IL1RAPL2: variants seen among roughly 807,000 people sequenced by gnomAD.
IL1RAPL2 encodes interleukin 1 receptor accessory protein like 2.
A neutral mutation model predicts 44.1 loss-of-function variants in IL1RAPL2; 3 were observed. That is an observed-to-expected ratio of 0.07 (90% CI 0.03 to 0.18). The LOEUF is 0.18. IL1RAPL2 is among the 10% of genes least tolerant of loss of function. IL1RAPL2 has a pLI of 1.00. For missense variants in IL1RAPL2, 391 were observed against 496.4 expected (o/e 0.79, Z 2.02); for synonymous variants, 181 against 178.8 (o/e 1.01, Z -0.10).
intron 10 of IL1RAPL2, among the ~76,000 whole-genome samples, chrX:105,756,720 C>G (rs2038642493): frequency 1.8e-5 from 2 of 111,217 alleles, no homozygotes; most frequent in Non-Finnish European, 3.8e-5. Flanking sequence ...CCATACTATC[C>G]TATATTTATT....
intron 2 of IL1RAPL2, among the ~76,000 whole-genome samples, chrX:105,110,156 C>A (rs1036723546): frequency 8.9e-6 from 1 of 112,255 alleles, no homozygotes; most frequent in African/African-American, 3.2e-5. Context: ...GCCAAGTCAG[C>A]TTCCTTAAGA....
intron 2 of IL1RAPL2, among the ~76,000 whole-genome samples, chrX:104,848,972 T>A (rs2147640602): frequency 9.0e-6 from 1 of 111,395 alleles, no homozygotes; most frequent in Non-Finnish European, 1.9e-5. Flanking sequence ...ATGAAAAGTT[T>A]ATTTATAAAT....
intron 2 of IL1RAPL2, among the ~76,000 whole-genome samples, chrX:104,900,322 A>G (rs960177996): frequency 2.7e-5 from 3 of 111,398 alleles, no homozygotes; most frequent in African/African-American, 9.8e-5. Context: ...TACCTGGCAT[A>G]CGGGATCAGA....
At chrX:104,895,674 GCTGT>G (rs1923621316) in intron 2 of IL1RAPL2, among the ~76,000 whole-genome samples, 1 of 111,941 alleles carries the variant, frequency 8.9e-6, no homozygotes, top group Non-Finnish European at 1.9e-5. Context: ...TTTTCCAGGT[GCTGT>G]CTGTCACCGC....
intron 2 of IL1RAPL2, among the ~76,000 whole-genome samples, chrX:104,956,055 A>G (rs193229429): frequency 6.4e-4 from 72 of 112,043 alleles, no homozygotes; most frequent in African/African-American, 2.3e-3. Context: ...TCTGTAGAAA[A>G]CATGGTAAAC....
At chrX:105,507,970 C>T (rs894257254) in intron 6 of IL1RAPL2, among the ~76,000 whole-genome samples, 5 of 110,995 alleles carry the variant, frequency 4.5e-5, no homozygotes, top group Non-Finnish European at 7.6e-5. Context: ...ACAGCTTTAG[C>T]GAAGGAGAAA....
chrX:105,418,301 T>C (rs1269699058), intron 5 of IL1RAPL2, among the ~76,000 whole-genome samples: 1 of 111,157 alleles, frequency 9.0e-6, no homozygotes, highest in African/African-American at 3.3e-5. Context: ...AAAACTGATA[T>C]ATGATTGTTA....
chrX:104,589,795 G>A lies in IL1RAPL2; in HGVS notation c.-20+22744G>A, dbSNP rs868188519. Among the ~76,000 whole-genome samples, 12 of 111,050 alleles carry A rather than the reference G, an allele frequency of 1.1e-4. No homozygotes were observed. The South Asian group carries it at 3.1e-3, about 28-fold the overall frequency. ...TGTCAGCACTTTGTTTTGAGAAAGC[G>A]AACCACATGTTTGCCTTAGTAAGAC... is the stretch of plus-strand genomic sequence containing the variant. On this transcript the variant is annotated intron_variant, in intron 1 of 10. Transcript: ENST00000372582.
At chrX:104,806,023 T>G (rs753534205) in intron 2 of IL1RAPL2, among the ~76,000 whole-genome samples, 9 of 112,047 alleles carry the variant, frequency 8.0e-5, no homozygotes, top group Non-Finnish European at 1.5e-4. Context: ...GGCCCAACTC[T>G]GCAGAGATTC....
chrX:104,845,078 T>C (rs1369860094), intron 2 of IL1RAPL2, among the ~76,000 whole-genome samples: 1 of 112,129 alleles, frequency 8.9e-6, no homozygotes, highest in East Asian at 2.8e-4. Context: ...CTACTGTTGC[T>C]TTGGGAGCAC....
At chrX:104,623,695 G>C (rs1220265063) in intron 1 of IL1RAPL2, among the ~76,000 whole-genome samples, 2 of 110,950 alleles carry the variant, frequency 1.8e-5, no homozygotes, top group Non-Finnish European at 3.8e-5. Context: ...GGCCTCCCCA[G>C]GTTTTGGGGG....
intron 5 of IL1RAPL2, among the ~76,000 whole-genome samples, chrX:105,481,333 G>C (rs940738842): frequency 8.9e-6 from 1 of 112,299 alleles, no homozygotes; most frequent in Non-Finnish European, 1.9e-5. Context: ...TACCTTACAA[G>C]GTCATCATGA....
intron 2 of IL1RAPL2, among the ~76,000 whole-genome samples, chrX:104,892,164 A>T (rs1477808848): frequency 9.0e-6 from 1 of 110,722 alleles, no homozygotes; most frequent in Non-Finnish European, 1.9e-5. Flanking sequence ...CATGGTGGAT[A>T]AGCTTTTTGA....
At chrX:105,223,180 C>T (rs1490875720) in intron 3 of IL1RAPL2, among the ~76,000 whole-genome samples, 2 of 110,216 alleles carry the variant, frequency 1.8e-5, no homozygotes, top group Non-Finnish European at 3.8e-5. Context: ...TGTTGGGCAT[C>T]CTGGTGGAGA....
At chrX:104,878,310 A>G (rs1023279899) in intron 2 of IL1RAPL2, among the ~76,000 whole-genome samples, 2 of 112,068 alleles carry the variant, frequency 1.8e-5, no homozygotes, top group Non-Finnish European at 3.8e-5. Context: ...TAAAATAATA[A>G]TAACAATGAT....
chrX:105,434,872 T>C (rs751003411), intron 5 of IL1RAPL2, among the ~76,000 whole-genome samples: 2 of 112,199 alleles, frequency 1.8e-5, no homozygotes, highest in African/African-American at 6.5e-5. Context: ...TTAATCCATC[T>C]TGAGTTAATT....
chrX:105,579,115 G>A (rs1184191419), intron 6 of IL1RAPL2, among the ~76,000 whole-genome samples: 2 of 111,430 alleles, frequency 1.8e-5, no homozygotes, highest in African/African-American at 6.5e-5. Context: ...CTTGACCTTT[G>A]GGAATATCAG....
In IL1RAPL2 at chrX:104,756,905, G is replaced by C. The variant is rs770387031; in HGVS notation, c.82+97910G>C. ...AGACGAGAGCATGCCTGGGGTATTA[G>C]AGGAGAAGCAATGAGGCCAGTGTAT... On this transcript the variant is annotated intron_variant, in intron 2 of 10. Coordinates refer to ENST00000372582, the MANE Select transcript of IL1RAPL2 (RefSeq NM_017416.2). Among the ~76,000 whole-genome samples, 4 of 110,003 alleles carry C rather than the reference G, an allele frequency of 3.6e-5. No individual in the cohort carries two copies. In the South Asian group the frequency reaches 1.2e-3, roughly 32 times the overall value.
chrX:105,146,311 C>T (rs956688385), intron 2 of IL1RAPL2, among the ~76,000 whole-genome samples: 5 of 110,831 alleles, frequency 4.5e-5, no homozygotes, highest in Non-Finnish European at 7.6e-5. Context: ...TCTAGACCTT[C>T]CCAGGGCCTT....
Sources: gnomAD v4.1 joint callset for allele counts (sites outside exome capture counted in the v4.1 genomes callset) on GRCh38, gnomAD v4.1.1 for gene constraint, MANE v1.5 for transcripts, NCBI Gene and HGNC (gene_info 2026-07-23, HGNC 2026-07-21) for gene names.